The following ERC1 variants were observed in gnomAD, a reference collection of about 807,000 sequenced individuals.
The protein encoded by ERC1 is RAB6 interacting protein 2.
A neutral mutation model predicts 132.0 loss-of-function variants in ERC1; 56 were observed. The observed-to-expected ratio is 0.42, with a 90% CI of 0.34 to 0.53. The LOEUF (loss-of-function observed/expected upper bound fraction) is 0.53, where lower values mean the gene tolerates loss of function less well. Ranked by LOEUF, ERC1 falls within the 20% of genes least tolerant of loss-of-function variation. The probability of loss-of-function intolerance (pLI) is 0.03; values close to 1 mark genes in which losing one functional copy is unlikely to be tolerated. For missense variants in ERC1, 1,202 were observed against 1,349.9 expected, an observed-to-expected ratio of 0.89 and a Z score of 1.72; for synonymous variants, 478 against 476.1, an observed-to-expected ratio of 1.00 and a Z score of -0.05.
chr12:1,271,225 A>G (rs1257468022), intron 14 of ERC1, among the ~76,000 whole-genome samples: 1 of 152,200 alleles, frequency 6.6e-6, no homozygotes, highest in Non-Finnish European at 1.5e-5. Context: ...ATGTGTAGAG[A>G]GACTTTTGGT....
chr12:1,285,889 C>G (rs898900417), intron 14 of ERC1, among the ~76,000 whole-genome samples: 6 of 152,086 alleles, frequency 3.9e-5, no homozygotes, highest in African/African-American at 1.2e-4. Flanking sequence ...TAGAAAAATT[C>G]CTAAACATAA....
intron 15 of ERC1, among the ~76,000 whole-genome samples, chr12:1,361,523 A>G (rs2086122928): frequency 6.6e-6 from 1 of 152,202 alleles, no homozygotes; most frequent in Non-Finnish European, 1.5e-5. Flanking sequence ...CCACCTTCAT[A>G]AGGGAAGCTA....
intron 12 of ERC1, among the ~76,000 whole-genome samples, chr12:1,212,435 C>T (rs1436798031): frequency 2.6e-5 from 4 of 152,106 alleles, no homozygotes; most frequent in Admixed American, 6.5e-5. Context: ...TCCAGACTAG[C>T]TTAGGGCTCT....
intron 13 of ERC1, among the ~76,000 whole-genome samples, chr12:1,262,395 G>A (rs1374930891): frequency 6.6e-6 from 1 of 152,126 alleles, no homozygotes; most frequent in Non-Finnish European, 1.5e-5. Flanking sequence ...ATCAGGGCTG[G>A]GAATTGCTTA....
intron 1 of ERC1, among the ~76,000 whole-genome samples, chr12:1,022,670 AT>A (rs1208550413): frequency 6.6e-6 from 1 of 151,554 alleles, no homozygotes; most frequent in East Asian, 1.9e-4. Flanking sequence ...GATCGATTTT[AT>A]TTTTTCTTTT....
intron 17 of ERC1, among the ~76,000 whole-genome samples, chr12:1,436,189 C>T (rs893834398): frequency 6.6e-6 from 1 of 151,624 alleles, no homozygotes; most frequent in Non-Finnish European, 1.5e-5. Flanking sequence ...CACGTGCACG[C>T]ACGCCCTCTT....
intron 11 of ERC1, among the ~76,000 whole-genome samples, chr12:1,189,418 C>A (rs1222812831): frequency 6.6e-6 from 1 of 152,116 alleles, no homozygotes; most frequent in African/African-American, 2.4e-5. Flanking sequence ...GGTAAAGCAG[C>A]ATATAGGAAA....
rs202066456 is a variant in ERC1, at chr12:1,172,705, C to CA, written c.1738-7825dup. 3.9e-3 allele frequency among the ~76,000 whole-genome samples: 565 copies of CA among 144,302 alleles called. 1 individual carries two copies. The highest frequency in any genetic ancestry group is 0.011 in the African/African-American group (437 of 39,432). 94.7% of individuals were successfully genotyped at this position (144,302 alleles called of 152,430 possible). On this transcript the variant is annotated intron_variant, in intron 8 of 18. Coordinates refer to ENST00000360905, the MANE Select transcript of ERC1 (RefSeq NM_178040.4). ...CTTTCTATGTCAGGGAGAGTTTATA[C>CA]AAAAAAAAAACCCATGGGATTATAA...
At chr12:1,153,665 C>T (rs1365408045) in intron 8 of ERC1, among the ~76,000 whole-genome samples, 2 of 152,210 alleles carry the variant, frequency 1.3e-5, no homozygotes, top group African/African-American at 4.8e-5. Flanking sequence ...AATGCATGAA[C>T]TCGGAGAAGG....
At chr12:1,394,015 C>CAAAAAAAAAAAAAAAAAAAAAA (rs1216337061) in intron 16 of ERC1, among the ~76,000 whole-genome samples, 1 of 26,932 alleles carries the variant, frequency 3.7e-5, no homozygotes, top group African/African-American at 1.8e-4. Context: ...GACTCCGTCT[C>CAAAAAAAAAAAAAAAAAAAAAA]AAAAAAAAAA....
At chr12:1,277,529 C>G (rs1269576119) in intron 14 of ERC1, among the ~76,000 whole-genome samples, 1 of 152,224 alleles carries the variant, frequency 6.6e-6, no homozygotes. Context: ...CTTAACATAT[C>G]CTAAATTCAT....
intron 18 of ERC1, among the ~76,000 whole-genome samples, chr12:1,445,412 G>A (rs1181783585): frequency 6.6e-6 from 1 of 151,818 alleles, no homozygotes; most frequent in Non-Finnish European, 1.5e-5. Flanking sequence ...TGTGTTTTCA[G>A]TAGAGATGGG....
rs750389201 is a variant in ERC1, at chr12:1,144,650, G to GTA, written c.1737+2876_1737+2877dup. Reference sequence around the variant, plus strand: ...TATATATATACGTGTATATATATACGTATATATATATATACACACCACATT... The same window carrying GTA: ...TATATATATACGTGTATATATATACGTATATATATATATATACACACCACATT... On this transcript the variant is annotated intron_variant, in intron 8 of 18. Transcript: ENST00000360905. Among the ~76,000 whole-genome samples, 1,154 of 140,078 alleles carry GTA rather than the reference G, an allele frequency of 8.2e-3. 16 individuals are homozygous for GTA. Among genetic ancestry groups the GTA allele is most frequent in the African/African-American group, 0.025 (852 of 34,374 alleles). The allele number at this position is 140,078 out of a possible 152,430, so 91.9% of individuals were successfully genotyped here.
intron 12 of ERC1, among the ~76,000 whole-genome samples, chr12:1,196,497 GTTT>G (rs142573969): frequency 7.2e-6 from 1 of 139,228 alleles, no homozygotes; most frequent in Non-Finnish European, 1.6e-5. Flanking sequence ...TCTTATGTAG[GTTT>G]TTTTTTTTTT....
intron 18 of ERC1, among the ~76,000 whole-genome samples, chr12:1,456,056 G>C (rs1283696863): frequency 1.3e-5 from 2 of 152,136 alleles, no homozygotes; most frequent in East Asian, 3.9e-4. Flanking sequence ...GCCTCCTATG[G>C]CTCTCTTATT....
chr12:1,487,824 GAA>G (rs1491302136), intron 18 of ERC1, among the ~76,000 whole-genome samples: 1 of 148,488 alleles, frequency 6.7e-6, no homozygotes, highest in South Asian at 2.1e-4. Flanking sequence ...GAGAGAGAGA[GAA>G]AGAAAAGAAA....
At chr12:1,398,553 T>C (rs991235622) in intron 16 of ERC1, among the ~76,000 whole-genome samples, 14 of 152,180 alleles carry the variant, frequency 9.2e-5, no homozygotes, top group Non-Finnish European at 2.1e-4. Context: ...TAAAAAAATA[T>C]TTATTTCCTA....
chr12:1,011,763 A>G (rs1039852099), intron 1 of ERC1, among the ~76,000 whole-genome samples: 1 of 152,156 alleles, frequency 6.6e-6, no homozygotes, highest in Non-Finnish European at 1.5e-5. Context: ...CCTAGCTAAC[A>G]TGGTGAAACC....
intron 13 of ERC1, 74 bp downstream of exon 13, chr12:1,236,978 C>A (rs1328145794): frequency 2.6e-6 from 4 of 1,529,484 alleles, no homozygotes; most frequent in Non-Finnish European, 3.6e-6. Flanking sequence ...TTTTTCTCTT[C>A]ATCTTTATCC....
Sources: gnomAD v4.1 joint callset for allele counts (sites outside exome capture counted in the v4.1 genomes callset) on GRCh38, gnomAD v4.1.1 for gene constraint, MANE v1.5 for transcripts, NCBI Gene and HGNC (gene_info 2026-07-23, HGNC 2026-07-21) for gene names.